CNGA1: variants seen among roughly 807,000 people sequenced by gnomAD.
The protein encoded by CNGA1 is cyclic nucleotide-gated channel alpha-1.
CNGA1 carries 53 observed loss-of-function variants against 69.7 expected under a neutral mutation model. The observed-to-expected ratio is 0.76, with a 90% CI of 0.61 to 0.96. The LOEUF is 0.96. CNGA1 is among the 40% of genes least tolerant of loss of function. The pLI, the probability that CNGA1 is intolerant of heterozygous loss-of-function variation, is 0.00. For synonymous variants in CNGA1, 249 were observed against 283.5 expected (o/e 0.88, Z 1.22); for missense variants, 739 against 811.2 (o/e 0.91, Z 1.08).
chr4:47,952,377 AAATAAAT>A (rs778043591), intron 4 of CNGA1, among the ~76,000 whole-genome samples, 199 bp downstream of exon 4: 1 of 143,118 alleles, frequency 7.0e-6, no homozygotes, highest in Non-Finnish European at 1.5e-5. Context: ...CAAAATAAAT[AAATAAAT>A]AAATAAATAA....
At chr4:47,992,430 G>A (rs543978968) in intron 2 of CNGA1, among the ~76,000 whole-genome samples, 16 of 146,744 alleles carry the variant, frequency 1.1e-4, no homozygotes, top group African/African-American at 3.7e-4. Flanking sequence ...TGCAGCTATT[G>A]TAAAAAAAAG....
Position 48,000,446 on chromosome 4 carries a change from C to G in CNGA1, c.-123+10348G>C, listed in dbSNP as rs321637. Among the ~76,000 whole-genome samples, 236 of 151,942 alleles carry G rather than the reference C, an allele frequency of 1.6e-3. 1 individual carries two copies. The highest frequency in any genetic ancestry group is 1.9e-3 in the Non-Finnish European group (127 of 67,966). ...GTGCAATGGCATGATCTCGGCTCAC[C>G]GCAACCTCCGCCTCCCAGTTTCAAG... is the stretch of plus-strand genomic sequence containing the variant. On this transcript the variant is annotated intron_variant, in intron 2 of 10. Transcript: ENST00000514170.
At chr4:47,961,436 G>T (rs1051916971) in intron 3 of CNGA1, among the ~76,000 whole-genome samples, 1 of 152,172 alleles carries the variant, frequency 6.6e-6, no homozygotes, top group Non-Finnish European at 1.5e-5. Context: ...GAGAACCAAT[G>T]ATCAGACACT....
chr4:47,959,688 A>G (rs1012176617), intron 3 of CNGA1, among the ~76,000 whole-genome samples: 1 of 152,100 alleles, frequency 6.6e-6, no homozygotes, highest in African/African-American at 2.4e-5. Context: ...GCTAACTGCA[A>G]CCTCCGCTTC....
chr4:47,954,562 C>T (rs1739948288), intron 3 of CNGA1, among the ~76,000 whole-genome samples: 1 of 152,192 alleles, frequency 6.6e-6, no homozygotes, highest in African/African-American at 2.4e-5. Flanking sequence ...ATTTTATAAC[C>T]ACATGAAAGA....
intron 3 of CNGA1, among the ~76,000 whole-genome samples, chr4:47,979,932 GGTCT>G (rs1741610452): frequency 2.0e-5 from 3 of 151,868 alleles, no homozygotes; most frequent in Admixed American, 1.3e-4. Flanking sequence ...TAAGGACTAG[GGTCT>G]GTTATTTACA....
At chr4:47,973,910 T>C (rs1741180732) in intron 3 of CNGA1, among the ~76,000 whole-genome samples, 1 of 152,116 alleles carries the variant, frequency 6.6e-6, no homozygotes, top group African/African-American at 2.4e-5. Context: ...AAGCAAATTG[T>C]GGCCGGGTGT....
At chr4:47,982,002 T>C (rs994786058) in intron 2 of CNGA1, among the ~76,000 whole-genome samples, 5 of 152,198 alleles carry the variant, frequency 3.3e-5, no homozygotes, top group African/African-American at 9.6e-5. Flanking sequence ...ATTTGACAGA[T>C]ACCTAGTCAA....
intron 7 of CNGA1, 21 bp from the exon 8 acceptor site, chr4:47,943,309 G>A (rs749281255): frequency 1.4e-6 from 2 of 1,407,690 alleles, no homozygotes; most frequent in African/African-American, 1.5e-5. Flanking sequence ...TAAGCAAGTA[G>A]TATTAAAATA....
chr4:47,968,600 C>A (rs1310656107), intron 3 of CNGA1, among the ~76,000 whole-genome samples: 3 of 152,132 alleles, frequency 2.0e-5, no homozygotes, highest in East Asian at 3.9e-4. Flanking sequence ...ACTCCTACTG[C>A]CCCAAGAGCA....
intron 4 of CNGA1, 128 bp from the exon 5 acceptor site, chr4:47,951,597 A>C (rs1406488654): frequency 1.4e-6 from 1 of 708,258 alleles, no homozygotes; most frequent in Admixed American, 1.9e-5. Context: ...CACACATAAC[A>C]ATTTTTAGTT....
intron 2 of CNGA1, among the ~76,000 whole-genome samples, chr4:47,991,941 TG>T (rs1210936625): frequency 1.9e-4 from 29 of 152,306 alleles, no homozygotes; most frequent in African/African-American, 6.7e-4. Flanking sequence ...CCCCACTTTA[TG>T]TTTTTGTTTG....
intron 3 of CNGA1, among the ~76,000 whole-genome samples, chr4:47,965,818 C>G (rs1241723620): frequency 1.3e-5 from 2 of 152,052 alleles, no homozygotes; most frequent in East Asian, 3.9e-4. Context: ...TAAAATTACT[C>G]TGTAGTTTGA....
At position 47,966,223 on chromosome 4, in the gene CNGA1, G is replaced by T. The variant is rs116286817; in HGVS notation, c.-14-13520C>A. ...CTGATTGAAGTCATGCTCTAGCTTG[G>T]GTTCAAAACCTGGCTCTGCCACTTA... On this transcript the variant is annotated intron_variant, in intron 3 of 10. Transcript: ENST00000514170. Among the ~76,000 whole-genome samples, 1,375 of 152,256 alleles carry T rather than the reference G, an allele frequency of 9.0e-3. 18 individuals are homozygous for T. The highest frequency in any genetic ancestry group is 0.03 in the African/African-American group (1,261 of 41,546).
rs112046660 is a variant in CNGA1, at chr4:47,971,893, AAAAC to A, written c.-15+9496_-15+9499del. On this transcript the variant is annotated intron_variant, in intron 3 of 10. Coordinates refer to ENST00000514170, the MANE Select transcript of CNGA1 (RefSeq NM_001379270.1). ...TGGGCAACAGAGCAAGACTCTCTGA[AAAAC>A]AAACAAACAAACAAACAAACAACAA... 5.4e-4 allele frequency among the ~76,000 whole-genome samples: 80 copies of A among 147,554 alleles called. 1 individual carries two copies. Among genetic ancestry groups the A allele is most frequent in the African/African-American group, 1.5e-3 (59 of 40,622 alleles).
At chr4:47,950,018 G>A in intron 5 of CNGA1, 123 bp from the exon 6 acceptor site, 1 of 772,122 alleles carries the variant, frequency 1.3e-6, no homozygotes, top group Non-Finnish European at 2.3e-6. Flanking sequence ...AGACTATGTA[G>A]ATGATAGATA....
intron 6 of CNGA1, among the ~76,000 whole-genome samples, chr4:47,944,147 G>C (rs1055178559): frequency 1.5e-4 from 23 of 152,178 alleles, no homozygotes; most frequent in Admixed American, 6.5e-5. Context: ...GATAGTCAGA[G>C]AAGGCTTTTA....
intron 6 of CNGA1, among the ~76,000 whole-genome samples, chr4:47,946,678 C>CGA (rs1417071345): frequency 2.6e-5 from 4 of 152,230 alleles, no homozygotes; most frequent in Non-Finnish European, 4.4e-5. Context: ...ATGTATCAAT[C>CGA]CGTCATATGA....
intron 2 of CNGA1, among the ~76,000 whole-genome samples, chr4:48,008,044 A>G (rs1714996431): frequency 6.6e-6 from 1 of 152,142 alleles, no homozygotes; most frequent in South Asian, 2.1e-4. Context: ...GTAAATCAAT[A>G]CCCTAAGGAA....
Sources: gnomAD v4.1 joint callset for allele counts (sites outside exome capture counted in the v4.1 genomes callset) on GRCh38, gnomAD v4.1.1 for gene constraint, MANE v1.5 for transcripts, NCBI Gene and HGNC (gene_info 2026-07-23, HGNC 2026-07-21) for gene names.